The following PLXDC2 variants were observed in gnomAD, a reference collection of about 807,000 sequenced individuals.
PLXDC2 encodes plexin domain containing 2.
Under a neutral mutation model 68.9 loss-of-function variants are expected in PLXDC2, and 40 were observed. The ratio of observed to expected loss-of-function variants is 0.58; its 90% confidence interval spans 0.45 to 0.76. The LOEUF (loss-of-function observed/expected upper bound fraction) is 0.76. Ranked by LOEUF, PLXDC2 falls within the 30% of genes least tolerant of loss-of-function variation. PLXDC2 has a pLI of 0.00. For synonymous variants in PLXDC2, 243 were observed against 234.2 expected (o/e 1.04, Z -0.34); for missense variants, 644 against 661.9 (o/e 0.97, Z 0.30).
chr10:19,831,609 C>T (rs1041355997), intron 1 of PLXDC2, among the ~76,000 whole-genome samples: 5 of 152,088 alleles, frequency 3.3e-5, no homozygotes, highest in Admixed American at 6.6e-5. Context: ...CAGATAGACC[C>T]CAGTGTCTGT....
At position 20,245,401 on chromosome 10, in the gene PLXDC2, A is replaced by G. The variant is rs1166607774; in HGVS notation, c.1369A>G (p.Ile457Val). The G allele has an allele frequency of 6.2e-7, 1 of 1,614,076 alleles. No homozygotes were observed. The highest frequency in any genetic ancestry group is 1.7e-5 in the Admixed American group (1 of 60,014). Residue 457 changes from isoleucine to valine, a missense_variant, in exon 13 of 14, where the codon ATC becomes GTC. Around this residue, in one of 3 missense-constraint regions of PLXDC2, gnomAD observed 330 missense variants for 327.9 expected, o/e 1.01. Transcript: ENST00000377252. ...KKGGTLHAGL[I>V]IGILILVLIV... ...AGGGGGAACCCTCCACGCTGGCCTCATCATTGGAATCCTCATCCTGGTCCT... is the reference window on the plus strand; with the variant it reads ...AGGGGGAACCCTCCACGCTGGCCTCGTCATTGGAATCCTCATCCTGGTCCT...
chr10:19,969,027 A>G (rs894365315), intron 1 of PLXDC2, among the ~76,000 whole-genome samples: 1 of 152,252 alleles, frequency 6.6e-6, no homozygotes, highest in African/African-American at 2.4e-5. Context: ...AGAACCTCAC[A>G]GCTTTATTTA....
chr10:19,835,168 C>T (rs967741930), intron 1 of PLXDC2, among the ~76,000 whole-genome samples: 15 of 152,164 alleles, frequency 9.9e-5, no homozygotes, highest in African/African-American at 3.6e-4. Flanking sequence ...GTTGAATTCT[C>T]CCATGAAGTT....
chr10:20,162,073 A>AG (rs1265947258), intron 6 of PLXDC2, among the ~76,000 whole-genome samples: 10 of 59,048 alleles, frequency 1.7e-4, no homozygotes, highest in African/African-American at 5.5e-4. Context: ...AGAGAGAGAG[A>AG]AGGAAGGAAG....
At chr10:20,168,694 A>G (rs557193596) in intron 7 of PLXDC2, among the ~76,000 whole-genome samples, 2 of 152,350 alleles carry the variant, frequency 1.3e-5, no homozygotes, top group Admixed American at 1.3e-4. Context: ...TATGAAAAAC[A>G]GGTCTAAGTA....
intron 12 of PLXDC2, among the ~76,000 whole-genome samples, chr10:20,239,218 G>T (rs964470872): frequency 3.3e-5 from 5 of 152,130 alleles, no homozygotes; most frequent in African/African-American, 1.2e-4. Context: ...ATGAGTGAAA[G>T]CTCATAAGAT....
intron 1 of PLXDC2, among the ~76,000 whole-genome samples, chr10:19,926,468 G>A (rs1486054487): frequency 6.6e-6 from 1 of 152,184 alleles, no homozygotes; most frequent in Non-Finnish European, 1.5e-5. Context: ...GGCGTCAGCA[G>A]GCGGAAATTC....
At chr10:20,173,139 A>G (rs1317575849) in intron 7 of PLXDC2, among the ~76,000 whole-genome samples, 2 of 152,190 alleles carry the variant, frequency 1.3e-5, no homozygotes, top group African/African-American at 4.8e-5. Context: ...TCTTGTGGTT[A>G]TACGATACAG....
intron 4 of PLXDC2, among the ~76,000 whole-genome samples, chr10:20,135,302 T>C (rs926024823): frequency 3.9e-5 from 6 of 152,190 alleles, no homozygotes; most frequent in African/African-American, 1.4e-4. Context: ...ACTATAAAAC[T>C]GCAAGGGTTG....
rs1836147022 is a variant in PLXDC2, at chr10:20,285,869, T to A, written c.*6050T>A. The stretch of plus-strand genomic sequence containing the variant: ...ACTCCAGCCTCAAATGTGTCTATAA[T>A]TTCCTGTTCTACCATTGTCATATCA... On this transcript the variant is annotated 3_prime_UTR_variant, in exon 14 of 14. Coordinates refer to ENST00000377252, the MANE Select transcript of PLXDC2 (RefSeq NM_032812.9). The A allele has an allele frequency of 6.6e-6, 1 of 152,192 alleles. No homozygotes were observed. Among genetic ancestry groups the A allele is most frequent in the Non-Finnish European group, 1.5e-5 (1 of 68,048 alleles). 9.4% of individuals were successfully genotyped at this position (152,192 alleles called of 1,614,324 possible).
intron 1 of PLXDC2, among the ~76,000 whole-genome samples, chr10:19,895,500 A>G (rs1361188219): frequency 6.6e-6 from 1 of 152,172 alleles, no homozygotes; most frequent in East Asian, 1.9e-4. Context: ...CAAAAATGTT[A>G]TCATTTCCTT....
intron 1 of PLXDC2, among the ~76,000 whole-genome samples, chr10:19,922,631 G>T (rs1249956595): frequency 6.6e-6 from 1 of 152,142 alleles, no homozygotes; most frequent in Admixed American, 6.6e-5. Flanking sequence ...TTACTTTACG[G>T]CTTAGTTGTA....
chr10:20,064,016 C>A (rs77543820), intron 3 of PLXDC2, among the ~76,000 whole-genome samples: 2,575 of 151,944 alleles, frequency 0.017, 84 homozygotes, highest in African/African-American at 0.059. Flanking sequence ...TTTGTTTATG[C>A]CTTTTATGTT....
intron 9 of PLXDC2, among the ~76,000 whole-genome samples, chr10:20,210,395 AAGG>A (rs1321880021): frequency 6.6e-6 from 1 of 152,136 alleles, no homozygotes; most frequent in Non-Finnish European, 1.5e-5. Context: ...AACCTCCTAA[AAGG>A]AGCGACTATG....
intron 12 of PLXDC2, among the ~76,000 whole-genome samples, chr10:20,221,557 G>C (rs781225522): frequency 6.6e-6 from 1 of 152,142 alleles, no homozygotes; most frequent in African/African-American, 2.4e-5. Context: ...TAAGATAAAC[G>C]GTTCTTCAAA....
intron 1 of PLXDC2, among the ~76,000 whole-genome samples, chr10:19,944,951 T>C (rs1833878062): frequency 6.6e-6 from 1 of 151,894 alleles, no homozygotes; most frequent in African/African-American, 2.4e-5. Flanking sequence ...AAACTCCATC[T>C]CAAACAAAAC....
At chr10:20,243,706 C>CAA (rs34968242) in intron 12 of PLXDC2, among the ~76,000 whole-genome samples, 8 of 151,960 alleles carry the variant, frequency 5.3e-5, no homozygotes, top group Non-Finnish European at 7.4e-5. Context: ...GTTTAATAGA[C>CAA]AAAAAAAGCT....
intron 1 of PLXDC2, among the ~76,000 whole-genome samples, chr10:19,913,166 T>G (rs2131375400): frequency 6.6e-6 from 1 of 152,284 alleles, no homozygotes; most frequent in South Asian, 2.1e-4. Context: ...TCAAGTCGAT[T>G]TGTAATCCTC....
intron 2 of PLXDC2, among the ~76,000 whole-genome samples, chr10:20,012,681 T>C (rs746423462): frequency 3.3e-5 from 5 of 152,102 alleles, no homozygotes; most frequent in African/African-American, 4.8e-5. Context: ...ATTGCTTTTG[T>C]GTTTGTGATA....
Sources: gnomAD v4.1 joint callset for allele counts (sites outside exome capture counted in the v4.1 genomes callset) on GRCh38, gnomAD v4.1.1 for gene constraint, gnomAD v4.1.1 regional missense constraint, MANE v1.5 for transcripts, NCBI Gene and HGNC (gene_info 2026-07-23, HGNC 2026-07-21) for gene names.